MAP2K7: variants seen among roughly 807,000 people sequenced by gnomAD.
MAP2K7 encodes mitogen-activated protein kinase kinase 7.
In MAP2K7, 12 loss-of-function variants were observed where a neutral mutation model predicts 47.7. The ratio of observed to expected loss-of-function variants is 0.25; its 90% CI spans 0.16 to 0.41. The LOEUF is 0.41. Among genes scored for constraint, MAP2K7 ranks in the 10% least tolerant of loss-of-function variants. MAP2K7 has a pLI of 1.00. For synonymous variants in MAP2K7, 299 were observed against 243.0 expected, an observed-to-expected ratio of 1.23 and a Z score of -2.14; for missense variants, 415 against 600.3, an observed-to-expected ratio of 0.69 and a Z score of 3.23.
rs766819293 is a variant in MAP2K7, at chr19:7,910,241, A to G, written c.334-19A>G. The G allele has an allele frequency of 6.2e-6, 10 of 1,611,514 alleles. No homozygotes were observed. Among genetic ancestry groups the G allele is most frequent in the South Asian group, 3.3e-5 (3 of 90,904 alleles). ...TGGCAGAGGCCCCAGGGACCCTCCA[A>G]CCCTCCCTCTCCTCCCAGCGCTACC... On this transcript the variant is annotated intron_variant, in intron 3 of 10. Transcript: ENST00000397979.
At chr19:7,911,634 G>A in intron 9 of MAP2K7, 56 bp downstream of exon 9, 1 of 1,503,080 alleles carries the variant, frequency 6.7e-7, no homozygotes, top group Non-Finnish European at 8.9e-7. Flanking sequence ...CTGGGCAGCT[G>A]GGGAGGCAAT....
intron 9 of MAP2K7, 124 bp from the exon 10 acceptor site, chr19:7,912,025 C>A: frequency 1.2e-6 from 1 of 852,632 alleles, no homozygotes; most frequent in Non-Finnish European, 1.9e-6. Flanking sequence ...AGGACATCCA[C>A]AGCTCCTTCC....
At chr19:7,905,416 G>C (rs185973615) in intron 1 of MAP2K7, among the ~76,000 whole-genome samples, 5 of 152,280 alleles carry the variant, frequency 3.3e-5, no homozygotes, top group Admixed American at 1.3e-4. Flanking sequence ...TGGAGGTGGG[G>C]ATTCTGGTGC....
intron 1 of MAP2K7, among the ~76,000 whole-genome samples, chr19:7,905,618 G>C (rs530412740): frequency 6.6e-6 from 1 of 152,108 alleles, no homozygotes; most frequent in Non-Finnish European, 1.5e-5. Flanking sequence ...CCCTCCAGGC[G>C]TCTCTGTCTG....
In MAP2K7 at chr19:7,910,554, T is replaced by G; in HGVS notation, c.549T>G (p.Phe183Leu). 6.2e-7 allele frequency: 1 copy of G among 1,613,638 alleles called. No individual in the cohort carries two copies. The highest frequency in any genetic ancestry group is 8.5e-7 in the Non-Finnish European group (1 of 1,179,964). The change falls in exon 5 of 11, where the codon TTT (phenylalanine) becomes TTG (leucine). Residue 183 changes from phenylalanine (F) to leucine (L), a missense_variant. This residue lies in a region of MAP2K7 where 206 missense variants were observed against 368.8 expected (regional missense o/e 0.56). Coordinates refer to ENST00000397979, the MANE Select transcript of MAP2K7 (RefSeq NM_145185.4). ...SHDCPYIVQC[F>L]GTFITNTDVF... ...ACTGCCCCTACATCGTGCAGTGCTT[T>G]GGGACGTTCATCACCAACGTGAGTA... is the stretch of plus-strand genomic sequence containing the variant.
chr19:7,906,025 C>G, intron 1 of MAP2K7: 1 of 681,440 alleles, frequency 1.5e-6, no homozygotes, highest in Non-Finnish European at 2.6e-6. Context: ...CAGCCCAGCC[C>G]AGCCTCCTCT....
At chr19:7,904,144 C>A in intron 1 of MAP2K7, 76 bp downstream of exon 1, 1 of 1,138,258 alleles carries the variant, frequency 8.8e-7, no homozygotes, top group Non-Finnish European at 1.1e-6. Flanking sequence ...GCCCCCACCA[C>A]AAGGCCCCGC....
In MAP2K7 at chr19:7,910,105, G is replaced by A. The variant is rs774524340; in HGVS notation, c.309G>A (p.Thr103=). Residue 103 remains threonine, a synonymous_variant, in exon 3 of 11, where the codon ACG becomes ACA. Coordinates refer to ENST00000397979, the MANE Select transcript of MAP2K7 (RefSeq NM_145185.4). ...AGCTGCAGGAGATCATGAAGCAGAC[G>A]GGCTACCTGACCATCGGGGGCCAGG... The part of the protein sequence containing the change: ...DQKLQEIMKQ[T]GYLTIGGQRY... 9 of 1,606,460 alleles carry A rather than the reference G, an allele frequency of 5.6e-6. No homozygotes were observed. Among genetic ancestry groups the A allele is most frequent in the East Asian group, 2.2e-5 (1 of 44,754 alleles).
intron 1 of MAP2K7, among the ~76,000 whole-genome samples, chr19:7,909,504 C>T (rs1982674755): frequency 6.6e-6 from 1 of 152,344 alleles, no homozygotes; most frequent in South Asian, 2.1e-4. Flanking sequence ...ACTTGGGGCT[C>T]CCTCTCCCCT....
rs746254265 is a variant in MAP2K7, at chr19:7,910,535, C to T, written c.530C>T (p.Pro177Leu). The T allele has an allele frequency of 1.9e-6, 3 of 1,613,682 alleles. No individual in the cohort carries two copies. The highest frequency in any genetic ancestry group is 2.2e-5 in the South Asian group (2 of 91,086). Residue 177 changes from proline (P) to leucine (L), a missense_variant, in exon 5 of 11, where the codon CCC (proline) becomes CTC (leucine). This residue lies in a region of MAP2K7 where 206 missense variants were observed against 368.8 expected (regional missense o/e 0.56). Coordinates refer to ENST00000397979, the MANE Select transcript of MAP2K7 (RefSeq NM_145185.4). ...GTGGTGCTGAAGAGCCACGACTGCC[C>T]CTACATCGTGCAGTGCTTTGGGACG... is the stretch of plus-strand genomic sequence containing the variant. The part of the protein sequence containing the change: ...LDVVLKSHDC[P>L]YIVQCFGTFI...
chr19:7,910,065 T>C lies in MAP2K7; in HGVS notation c.269T>C (p.Ile90Thr). The C allele has an allele frequency of 5.6e-6, 9 of 1,602,618 alleles. No homozygotes were observed. The highest frequency in any genetic ancestry group is 6.8e-6 in the Non-Finnish European group (8 of 1,175,446). ...TLFTPRSMES[I>T]EIDQKLQEIM... ...CGGCACCTGCTCCATGTCCCCAGCATTGAGATTGACCAGAAGCTGCAGGAG... is the reference window on the plus strand; with the variant it reads ...CGGCACCTGCTCCATGTCCCCAGCACTGAGATTGACCAGAAGCTGCAGGAG... Residue 90 changes from isoleucine to threonine, a missense_variant and splice_region_variant, in exon 3 of 11, where the codon ATT becomes ACT. Transcript: ENST00000397979.
rs776312730 is a variant in MAP2K7 at position 7,911,285 on chromosome 19, G to A, written c.891G>A (p.Pro297=). The A allele has an allele frequency of 4.2e-5, 67 of 1,613,074 alleles. No homozygotes were observed. The highest frequency in any genetic ancestry group is 1.6e-4 in the Middle Eastern group (1 of 6,080). ...TTGACCCCCCAGACCCCACCAAGCC[G>A]GACTATGACATCCGGGCCGACGTAT... The part of the protein sequence containing the change: ...ERIDPPDPTK[P]DYDIRADVWS... Residue 297 remains proline (P), a synonymous_variant, in exon 8 of 11, where the codon CCG becomes CCA. Transcript: ENST00000397979.
At chr19:7,910,668 G>A in intron 5 of MAP2K7, 28 bp from the exon 6 acceptor site, 2 of 1,606,386 alleles carry the variant, frequency 1.2e-6, no homozygotes, top group Non-Finnish European at 1.7e-6. Flanking sequence ...GGAAGACACA[G>A]CTCCCCCGGG....
chr19:7,910,887 A>G (rs1982799291), intron 6 of MAP2K7, 84 bp downstream of exon 6: 6 of 1,581,322 alleles, frequency 3.8e-6, no homozygotes, highest in Non-Finnish European at 5.2e-6. Flanking sequence ...GCAAGATGAC[A>G]GTGGCGGTGA....
rs1055181997 is a variant in MAP2K7 at position 7,912,609 on chromosome 19, C to T, written c.*178C>T. On this transcript the variant is annotated 3_prime_UTR_variant, in exon 11 of 11. Coordinates refer to ENST00000397979, the MANE Select transcript of MAP2K7 (RefSeq NM_145185.4). ...CCCCGCCCCGGGCCTACCAAGCCCC[C>T]GCCCTTCCCACCCCGGGGTCAGCCG... The T allele has an allele frequency of 6.9e-5, 51 of 734,576 alleles. No individual in the cohort carries two copies. Among genetic ancestry groups the T allele is most frequent in the South Asian group, 7.6e-5 (4 of 52,914 alleles). 45.5% of individuals were successfully genotyped at this position (734,576 alleles called of 1,614,324 possible).
rs1357497097 is a variant in MAP2K7 at position 7,913,082 on chromosome 19, G to A, written c.*651G>A. ...TCTCTCTCTCTCTTTGATCTCAGGG[G>A]GTCCTTTTTGGAGTTTATTGTATTT... On this transcript the variant is annotated 3_prime_UTR_variant, in exon 11 of 11. Coordinates refer to ENST00000397979, the MANE Select transcript of MAP2K7 (RefSeq NM_145185.4). The A allele has an allele frequency of 1.3e-5, 2 of 151,548 alleles. No homozygotes were observed. The highest frequency in any genetic ancestry group is 3.0e-5 in the Non-Finnish European group (2 of 67,676). 9.4% of individuals were successfully genotyped at this position (151,548 alleles called of 1,614,324 possible). A position where few individuals can be genotyped will look rare whatever the true frequency, so the allele number is the denominator to read the frequency against.
chr19:7,908,026 G>T (rs958831239), intron 1 of MAP2K7, among the ~76,000 whole-genome samples: 1 of 152,158 alleles, frequency 6.6e-6, no homozygotes, highest in African/African-American at 2.4e-5. Context: ...TTAGCTGGGT[G>T]TGGTGGCGTG....
At chr19:7,908,055 C>T (rs1982577221) in intron 1 of MAP2K7, among the ~76,000 whole-genome samples, 1 of 152,066 alleles carries the variant, frequency 6.6e-6, no homozygotes, top group African/African-American at 2.4e-5. Flanking sequence ...ATCCCAGCTA[C>T]TCAGGAGGCT....
In MAP2K7 at chr19:7,910,231, G is replaced by A. The variant is rs368038961; in HGVS notation, c.334-29G>A. The A allele has an allele frequency of 6.8e-6, 11 of 1,609,816 alleles. 1 individual carries two copies. In the African/African-American group the frequency reaches 1.1e-4, roughly 16 times the overall value. ...CAGGGGGCGGTGGCAGAGGCCCCAGGGACCCTCCAACCCTCCCTCTCCTCC... is the reference window on the plus strand; with the variant it reads ...CAGGGGGCGGTGGCAGAGGCCCCAGAGACCCTCCAACCCTCCCTCTCCTCC... On this transcript the variant is annotated intron_variant, in intron 3 of 10. Transcript: ENST00000397979.
Sources: gnomAD v4.1 joint callset for allele counts (sites outside exome capture counted in the v4.1 genomes callset) on GRCh38, gnomAD v4.1.1 for gene constraint, gnomAD v4.1.1 regional missense constraint, MANE v1.5 for transcripts, NCBI Gene and HGNC (gene_info 2026-07-23, HGNC 2026-07-21) for gene names.